Variants in CACNB2 observed in about 807,000 individuals in gnomAD.
CACNB2 encodes calcium voltage-gated channel auxiliary subunit beta 2.
Under a neutral mutation model 73.3 loss-of-function variants are expected in CACNB2, and 42 were observed. The observed-to-expected ratio is 0.57, with a 90% CI of 0.45 to 0.74. The LOEUF is 0.74. Ranked by LOEUF, CACNB2 falls within the 30% of genes least tolerant of loss-of-function variation. The pLI, the probability that CACNB2 is intolerant of heterozygous loss-of-function variation, is 0.00. For synonymous variants in CACNB2, 348 were observed against 310.3 expected (o/e 1.12, Z -1.28); for missense variants, 940 against 853.0 (o/e 1.10, Z -1.27).
At chr10:18,371,406 G>A (rs1468113322) in intron 2 of CACNB2, among the ~76,000 whole-genome samples, 2 of 151,932 alleles carry the variant, frequency 1.3e-5, no homozygotes, top group South Asian at 2.1e-4. Context: ...CCCTTCCTGT[G>A]TCCATGTGTT....
Position 18,261,307 on chromosome 10 carries a change from G to C in CACNB2, c.213+110332G>C, listed in dbSNP as rs786205783. 21 of 1,551,430 alleles carry C rather than the reference G, an allele frequency of 1.4e-5. No individual in the cohort carries two copies. The East Asian group carries it at 4.6e-4, about 34-fold the overall frequency. ...GGGCTGGTGCATCGCCGGCGAGTACGGGTGTCCTATGTAAGTTTCTATTGC... is the reference window on the plus strand; with the variant it reads ...GGGCTGGTGCATCGCCGGCGAGTACCGGTGTCCTATGTAAGTTTCTATTGC... On this transcript the variant is annotated intron_variant, in intron 2 of 13. Transcript: ENST00000324631.
At chr10:18,397,518 T>C (rs748912831) in intron 2 of CACNB2, among the ~76,000 whole-genome samples, 5 of 150,734 alleles carry the variant, frequency 3.3e-5, no homozygotes, top group South Asian at 2.1e-4. Flanking sequence ...ACGTTAGACA[T>C]AAAAGTGGAA....
At position 18,500,842 on chromosome 10, in the gene CACNB2, T is replaced by C. The variant is rs1444084562; in HGVS notation, c.487T>C (p.Leu163=). ...KFNNDWWIGR[L]VKEGCEIGFI... The stretch of plus-strand genomic sequence containing the variant: ...TAACAATGACTGGTGGATAGGGCGA[T>C]TGGTAAAAGAAGGCTGTGAAATCGG... The change falls in exon 5 of 14, where the codon TTG becomes CTG. Residue 163 remains leucine (L), a synonymous_variant. Coordinates refer to ENST00000324631, the MANE Select transcript of CACNB2 (RefSeq NM_201596.3). The C allele has an allele frequency of 6.2e-7, 1 of 1,614,044 alleles. No homozygotes were observed. Among genetic ancestry groups the C allele is most frequent in the Non-Finnish European group, 8.5e-7 (1 of 1,179,926 alleles).
At chr10:18,216,586 T>G (rs771998746) in intron 2 of CACNB2, among the ~76,000 whole-genome samples, 25 of 98,776 alleles carry the variant, frequency 2.5e-4, no homozygotes, top group Non-Finnish European at 2.1e-4. Flanking sequence ...TTAGTTTTTG[T>G]AAAACACTTG....
chr10:18,349,101 CAG>C (rs374286805), intron 2 of CACNB2, among the ~76,000 whole-genome samples: 174 of 152,298 alleles, frequency 1.1e-3, no homozygotes, highest in African/African-American at 4.0e-3. Context: ...GCCCGAGTGA[CAG>C]AATGAGTCCC....
chr10:18,321,574 G>A (rs1251683058), intron 2 of CACNB2, among the ~76,000 whole-genome samples: 1 of 152,106 alleles, frequency 6.6e-6, no homozygotes, highest in East Asian at 1.9e-4. Context: ...AATGCTTGGG[G>A]GCATGGACAC....
intron 2 of CACNB2, among the ~76,000 whole-genome samples, chr10:18,305,825 C>G (rs756663244): frequency 1.3e-5 from 2 of 152,022 alleles, no homozygotes; most frequent in African/African-American, 4.8e-5. Context: ...GGAATTCTCA[C>G]GTGTTAAGAG....
chr10:18,204,367 C>T (rs762864566), intron 2 of CACNB2, among the ~76,000 whole-genome samples: 3 of 152,220 alleles, frequency 2.0e-5, no homozygotes, highest in Non-Finnish European at 2.9e-5. Context: ...ACTAAACACC[C>T]GTTACTAAGT....
chr10:18,374,802 C>T (rs2042727182), intron 2 of CACNB2, among the ~76,000 whole-genome samples: 1 of 152,124 alleles, frequency 6.6e-6, no homozygotes, highest in African/African-American at 2.4e-5. Flanking sequence ...TTAGCATCAG[C>T]TCTATGCATA....
intron 2 of CACNB2, among the ~76,000 whole-genome samples, chr10:18,228,606 G>A (rs1389871572): frequency 6.6e-6 from 1 of 152,152 alleles, no homozygotes; most frequent in African/African-American, 2.4e-5. Context: ...TCCTGGATGT[G>A]TGATCTTGTA....
intron 3 of CACNB2, among the ~76,000 whole-genome samples, chr10:18,474,252 T>C (rs1036765436): frequency 2.6e-5 from 4 of 152,116 alleles, no homozygotes; most frequent in Non-Finnish European, 5.9e-5. Flanking sequence ...TGCTGTTTAA[T>C]GTACAAAGAA....
intron 1 of CACNB2, 109 bp from the exon 2 acceptor site, chr10:18,150,774 T>C (rs2031448115): frequency 1.5e-6 from 1 of 661,508 alleles, no homozygotes; most frequent in East Asian, 2.7e-5. Flanking sequence ...GATGGCAATG[T>C]ATTACTTGTT....
intron 2 of CACNB2, among the ~76,000 whole-genome samples, chr10:18,293,615 T>G (rs1000865054): frequency 6.6e-6 from 1 of 152,226 alleles, no homozygotes; most frequent in Non-Finnish European, 1.5e-5. Flanking sequence ...AAAGTTCAAG[T>G]TGTTGGCTAA....
chr10:18,287,843 C>G (rs1174464940), intron 2 of CACNB2, among the ~76,000 whole-genome samples: 2 of 152,200 alleles, frequency 1.3e-5, no homozygotes, highest in East Asian at 1.9e-4. Flanking sequence ...AAGTGAGACC[C>G]TATCTCAAAA....
intron 2 of CACNB2, among the ~76,000 whole-genome samples, chr10:18,311,778 G>A (rs1301978344): frequency 6.6e-6 from 1 of 152,146 alleles, no homozygotes; most frequent in Non-Finnish European, 1.5e-5. Flanking sequence ...GACCCACATG[G>A]TTCAAATCTG....
At chr10:18,265,417 CA>C (rs2037751951) in intron 2 of CACNB2, among the ~76,000 whole-genome samples, 1 of 152,082 alleles carries the variant, frequency 6.6e-6, no homozygotes, top group African/African-American at 2.4e-5. Context: ...AGGTGTGAGC[CA>C]CCACACCCGG....
At chr10:18,170,426 T>C (rs2033145574) in intron 2 of CACNB2, among the ~76,000 whole-genome samples, 1 of 152,206 alleles carries the variant, frequency 6.6e-6, no homozygotes, top group South Asian at 2.1e-4. Flanking sequence ...TAGTGCACCC[T>C]TTTCTATTTA....
intron 2 of CACNB2, among the ~76,000 whole-genome samples, chr10:18,192,777 A>C (rs1026662859): frequency 6.6e-6 from 1 of 152,138 alleles, no homozygotes; most frequent in Non-Finnish European, 1.5e-5. Context: ...TATGTAGCGT[A>C]ATTTTTTAAA....
At chr10:18,198,538 A>C (rs1286592761) in intron 2 of CACNB2, among the ~76,000 whole-genome samples, 4 of 152,168 alleles carry the variant, frequency 2.6e-5, no homozygotes, top group Non-Finnish European at 5.9e-5. Flanking sequence ...CATTTATGAT[A>C]TGACATTGAT....
Sources: allele counts gnomAD v4.1 joint callset (sites outside exome capture counted in the v4.1 genomes callset), GRCh38; gene constraint gnomAD v4.1.1; transcripts MANE v1.5; gene names NCBI Gene and HGNC (gene_info 2026-07-23, HGNC 2026-07-21).